The following RAPGEF2 variants were observed in gnomAD, a reference collection of about 807,000 sequenced individuals.
RAPGEF2 encodes the protein PDZ domain containing guanine nucleotide exchange factor (GEF) 1.
RAPGEF2 carries 54 observed loss-of-function variants against 186.7 expected under a neutral mutation model. The observed-to-expected ratio is 0.29, with a 90% CI of 0.23 to 0.36. The LOEUF (loss-of-function observed/expected upper bound fraction) is 0.36, where lower values mean the gene tolerates loss of function less well. Among genes scored for constraint, RAPGEF2 ranks in the 10% least tolerant of loss-of-function variants. RAPGEF2 has a pLI of 1.00. For synonymous variants in RAPGEF2, 712 were observed against 705.9 expected (o/e 1.01, Z -0.14); for missense variants, 1,532 against 2,045.0 (o/e 0.75, Z 4.84).
chr4:159,149,426 T>G (rs1047054204), intron 1 of RAPGEF2, among the ~76,000 whole-genome samples: 1 of 152,026 alleles, frequency 6.6e-6, no homozygotes, highest in Non-Finnish European at 1.5e-5. Flanking sequence ...ACCCGGCTAA[T>G]TTTTGTATTT....
Position 159,238,827 on chromosome 4 carries a change from A to G in RAPGEF2, c.300A>G (p.Ala100=). The stretch of plus-strand genomic sequence containing the variant: ...TTTCTAGTTTTGGCAAGCGTTCTGC[A>G]GGAAGTTTTAGGCGTGGCTGTGAAT... ...LPRSSFGKRS[A]GSFRRGCECI... Residue 100 remains alanine (A), a synonymous_variant, in exon 5 of 30, where the codon GCA becomes GCG. Coordinates refer to ENST00000691494, the MANE Select transcript of RAPGEF2 (RefSeq NM_001394067.2). 4 of 1,524,270 alleles carry G rather than the reference A, an allele frequency of 2.6e-6. No homozygotes were observed. The highest frequency in any genetic ancestry group is 3.5e-6 in the Non-Finnish European group (4 of 1,143,402). 94.4% of individuals were successfully genotyped at this position (1,524,270 alleles called of 1,614,324 possible).
At chr4:159,340,066 A>G (rs1026719875) in intron 19 of RAPGEF2, among the ~76,000 whole-genome samples, 18 of 152,240 alleles carry the variant, frequency 1.2e-4, no homozygotes, top group South Asian at 4.1e-4. Context: ...TGCAAGTTGA[A>G]AAAGAAAATA....
chr4:159,205,882 C>G (rs552789508), intron 3 of RAPGEF2, among the ~76,000 whole-genome samples: 3 of 152,156 alleles, frequency 2.0e-5, no homozygotes, highest in Admixed American at 1.3e-4. Context: ...TACACTTAGG[C>G]TACTGTAAAC....
At chr4:159,197,663 CA>C (rs1748795690) in intron 3 of RAPGEF2, among the ~76,000 whole-genome samples, 1 of 152,190 alleles carries the variant, frequency 6.6e-6, no homozygotes, top group Non-Finnish European at 1.5e-5. Context: ...TTTAGAACTG[CA>C]AGCCTCAGCT....
intron 6 of RAPGEF2, 141 bp downstream of exon 6, chr4:159,241,509 AT>A (rs1453012973): frequency 7.2e-6 from 2 of 277,636 alleles, no homozygotes; most frequent in Admixed American, 1.0e-4. Flanking sequence ...TTAAATATTT[AT>A]TTTTATTTGT....
chr4:159,129,308 C>A (rs1740744499), intron 1 of RAPGEF2, among the ~76,000 whole-genome samples: 1 of 152,008 alleles, frequency 6.6e-6, no homozygotes, highest in Non-Finnish European at 1.5e-5. Flanking sequence ...ATAATATAGA[C>A]CTTTTGAAAG....
Position 159,352,917 on chromosome 4 carries a change from G to A in RAPGEF2, c.4091+7G>A, listed in dbSNP as rs1439909346. ...CTGATCAGTATAGCTTGGGGTAGGT[G>A]GCTCTTTTTAATATTCTTCTGAATT... is the stretch of plus-strand genomic sequence containing the variant. On this transcript the variant is annotated splice_region_variant and intron_variant, in intron 27 of 29. Coordinates refer to ENST00000691494, the MANE Select transcript of RAPGEF2 (RefSeq NM_001394067.2). 3.1e-6 allele frequency: 5 copies of A among 1,602,484 alleles called. No individual in the cohort carries two copies. The highest frequency in any genetic ancestry group is 4.3e-6 in the Non-Finnish European group (5 of 1,171,610).
At chr4:159,311,151 T>C (rs1366492490) in intron 8 of RAPGEF2, among the ~76,000 whole-genome samples, 1 of 152,142 alleles carries the variant, frequency 6.6e-6, no homozygotes, top group Non-Finnish European at 1.5e-5. Flanking sequence ...CTCTGTAAAC[T>C]AGGGTTAGTA....
At chr4:159,115,725 A>T (rs555653491) in intron 1 of RAPGEF2, among the ~76,000 whole-genome samples, 4 of 152,240 alleles carry the variant, frequency 2.6e-5, no homozygotes, top group Admixed American at 1.3e-4. Flanking sequence ...TGGTACTGGT[A>T]CAAAAACAGA....
intron 1 of RAPGEF2, among the ~76,000 whole-genome samples, chr4:159,174,547 A>C (rs562128229): frequency 6.6e-6 from 1 of 152,284 alleles, no homozygotes; most frequent in Admixed American, 6.5e-5. Context: ...GGTAATTACT[A>C]ATCACCTTTG....
Position 159,247,736 on chromosome 4 carries a change from AAGT to A in RAPGEF2, c.543+3948_543+3950del. ...ATTTAGGTGGTATTCAGGGAGAAGAAAGTAGAAATAATTTGTTTCTTTTTTTTT... is the reference window on the plus strand; with the variant it reads ...ATTTAGGTGGTATTCAGGGAGAAGAAAGAAATAATTTGTTTCTTTTTTTTT... On this transcript the variant is annotated intron_variant, in intron 7 of 29. Coordinates refer to ENST00000691494, the MANE Select transcript of RAPGEF2 (RefSeq NM_001394067.2). Among the ~76,000 whole-genome samples the A allele has an allele frequency of 2.0e-5, 3 of 150,886 alleles. No individual in the cohort carries two copies. The South Asian group carries it at 6.3e-4, about 32-fold the overall frequency.
chr4:159,302,422 T>G lies in RAPGEF2; in HGVS notation c.544-1920T>G, dbSNP rs1040699205. 2.0e-5 allele frequency among the ~76,000 whole-genome samples: 3 copies of G among 152,276 alleles called. No homozygotes were observed. The East Asian group carries it at 5.8e-4, about 29-fold the overall frequency. ...ATCAATAGAAATCAGTTTATTGTTC[T>G]CTAATTACATGTATTGATTGATGCC... is the stretch of plus-strand genomic sequence containing the variant. On this transcript the variant is annotated intron_variant, in intron 7 of 29. Coordinates refer to ENST00000691494, the MANE Select transcript of RAPGEF2 (RefSeq NM_001394067.2).
intron 4 of RAPGEF2, among the ~76,000 whole-genome samples, chr4:159,221,788 CAT>C (rs1259085009): frequency 5.9e-5 from 9 of 152,084 alleles, no homozygotes; most frequent in African/African-American, 1.9e-4. Context: ...ATTCCTGTGA[CAT>C]ATATAAGGCA....
chr4:159,216,451 T>C (rs1437705239), intron 4 of RAPGEF2, among the ~76,000 whole-genome samples: 1 of 152,120 alleles, frequency 6.6e-6, no homozygotes, highest in Non-Finnish European at 1.5e-5. Flanking sequence ...TGTTGGAAAG[T>C]GGTCAGAAAG....
chr4:159,157,472 G>A (rs530804800), intron 1 of RAPGEF2, among the ~76,000 whole-genome samples: 195 of 152,216 alleles, frequency 1.3e-3, no homozygotes, highest in African/African-American at 4.6e-3. Context: ...TATAGTTTGG[G>A]AATCATAAAC....
rs560795016 is a variant in RAPGEF2, at chr4:159,297,444, G to A, written c.544-6898G>A. ...AATACACATAAATGCACAAAACTAC[G>A]CAAGTTGTTATCACTTTGAGAGAAT... On this transcript the variant is annotated intron_variant, in intron 7 of 29. Transcript: ENST00000691494. Among the ~76,000 whole-genome samples the A allele has an allele frequency of 8.5e-5, 13 of 152,256 alleles. No homozygotes were observed. In the South Asian group the frequency reaches 1.0e-3, roughly 12 times the overall value.
At chr4:159,243,302 T>C (rs186557927) in intron 6 of RAPGEF2, among the ~76,000 whole-genome samples, 45 of 152,000 alleles carry the variant, frequency 3.0e-4, no homozygotes, top group Admixed American at 1.2e-3. Flanking sequence ...GTCATAAGGA[T>C]TGCATCCTTT....
chr4:159,345,214 T>C lies in RAPGEF2; in HGVS notation c.3387T>C (p.Tyr1129=). ...CCTTTCTCAATGCCAAAAAGCTTTA[T>C]GAAGATGCCCAAATGGCTCGAAAAG... ...RSSFLNAKKL[Y]EDAQMARKVK... is the part of the protein sequence containing the mutation. The change falls in exon 24 of 30, where the codon TAT becomes TAC. Residue 1129 remains tyrosine (Y), a synonymous_variant. Transcript: ENST00000691494. 1.9e-6 allele frequency: 3 copies of C among 1,614,218 alleles called. No homozygotes were observed. Among genetic ancestry groups the C allele is most frequent in the Non-Finnish European group, 2.5e-6 (3 of 1,180,026 alleles).
At chr4:159,276,148 A>C (rs1021415673) in intron 7 of RAPGEF2, among the ~76,000 whole-genome samples, 2 of 152,152 alleles carry the variant, frequency 1.3e-5, no homozygotes, top group Non-Finnish European at 2.9e-5. Flanking sequence ...TTCTATAGTC[A>C]CTGGGCCTAT....
Sources: allele counts gnomAD v4.1 joint callset (sites outside exome capture counted in the v4.1 genomes callset), GRCh38; gene constraint gnomAD v4.1.1; transcripts MANE v1.5; gene names NCBI Gene and HGNC (gene_info 2026-07-23, HGNC 2026-07-21).